The following ABCF3 variants were observed in gnomAD, a reference collection of about 807,000 sequenced individuals.
The protein encoded by ABCF3 is ATP-binding cassette sub-family F member 3.
Under a neutral mutation model 94.3 loss-of-function variants are expected in ABCF3, and 62 were observed. The ratio of observed to expected loss-of-function variants is 0.66; its 90% CI spans 0.54 to 0.81. The LOEUF (loss-of-function observed/expected upper bound fraction) is 0.81. Ranked by LOEUF, ABCF3 falls within the 40% of genes least tolerant of loss-of-function variation. ABCF3 has a pLI of 0.00. For synonymous variants in ABCF3, 355 were observed against 361.1 expected, an observed-to-expected ratio of 0.98 and a Z score of 0.19; for missense variants, 843 against 925.3, an observed-to-expected ratio of 0.91 and a Z score of 1.15.
chr3:184,188,548 T>G, intron 7 of ABCF3, 141 bp downstream of exon 7: 1 of 1,211,842 alleles, frequency 8.3e-7, no homozygotes, highest in South Asian at 1.5e-5. Context: ...TCAGAAGCCC[T>G]TGTTCTTTCC....
Position 184,188,158 on chromosome 3 carries a change from C to T in ABCF3, c.587C>T (p.Ala196Val), listed in dbSNP as rs757952970. Residue 196 changes from alanine (A) to valine (V), a missense_variant, in exon 7 of 21, where the codon GCG (alanine) becomes GTG (valine). Coordinates refer to ENST00000429586, the MANE Select transcript of ABCF3 (RefSeq NM_018358.3). ...SFGDRVLLAG[A>V]DVNLAWGRRY... Reference sequence around the variant, plus strand: ...TCCTGCAGAGTACTGCTGGCTGGAGCGGATGTGAACCTGGCATGGGGCCGC... The same window carrying T: ...TCCTGCAGAGTACTGCTGGCTGGAGTGGATGTGAACCTGGCATGGGGCCGC... 9 of 1,613,844 alleles carry T rather than the reference C, an allele frequency of 5.6e-6. No individual in the cohort carries two copies. Among genetic ancestry groups the T allele is most frequent in the African/African-American group, 2.7e-5 (2 of 75,040 alleles).
Position 184,191,003 on chromosome 3 carries a change from G to C in ABCF3, c.1396G>C (p.Glu466Gln), listed in dbSNP as rs1332010399. 1.9e-6 allele frequency: 3 copies of C among 1,614,132 alleles called. No homozygotes were observed. Among genetic ancestry groups the C allele is most frequent in the Non-Finnish European group, 2.5e-6 (3 of 1,180,028 alleles). ...CTACCTCATCTCTTCTCCCAGGCCT[G>C]AGCTGAAGCCTGTGGACAAGGAATC... ...SKLKMLEKLP[E>Q]LKPVDKESEV... Residue 466 changes from glutamate (E) to glutamine (Q), a missense_variant, in exon 15 of 21, where the codon GAG (glutamate) becomes CAG (glutamine). By Grantham distance (29) the Glu-to-Gln change is conservative. Coordinates refer to ENST00000429586, the MANE Select transcript of ABCF3 (RefSeq NM_018358.3).
intron 16 of ABCF3, among the ~76,000 whole-genome samples, chr3:184,191,749 C>CTCT (rs1716039573): frequency 8.7e-6 from 1 of 114,716 alleles, no homozygotes; most frequent in African/African-American, 3.7e-5. Flanking sequence ...GTTAGAGTTC[C>CTCT]TTTTTTTTTT....
intron 1 of ABCF3, 108 bp downstream of exon 1, chr3:184,186,388 C>T (rs1173744338): frequency 5.0e-6 from 8 of 1,585,410 alleles, no homozygotes; most frequent in Non-Finnish European, 6.9e-6. Flanking sequence ...TCTGCATGAC[C>T]TCTTGTCCCG....
At chr3:184,188,077 GT>G (rs1715757197) in intron 6 of ABCF3, 63 bp from the exon 7 acceptor site, 2 of 1,610,852 alleles carry the variant, frequency 1.2e-6, no homozygotes, top group South Asian at 2.2e-5. Flanking sequence ...TGTTAGGTTT[GT>G]CATTAAACTT....
chr3:184,191,060 T>G lies in ABCF3; in HGVS notation c.1436+17T>G. ...CGTAATGAAGTAAGTGCTGGGCCAG[T>G]GGGGCTGGTGGGGAATTGCTTGCTT... On this transcript the variant is annotated intron_variant, in intron 15 of 20. Transcript: ENST00000429586. The G allele has an allele frequency of 6.2e-7, 1 of 1,614,192 alleles. No individual in the cohort carries two copies. Among genetic ancestry groups the G allele is most frequent in the Non-Finnish European group, 8.5e-7 (1 of 1,180,030 alleles).
Position 184,189,422 on chromosome 3 carries a change from G to A in ABCF3, c.1092G>A (p.Leu364=). ...PTNMLDVRAI[L]WLENYLQTWP... is the part of the protein sequence containing the mutation. ...ACATGCTGGATGTCAGGGCCATCCT[G>A]TGGCTGGAGAATTACCTGCAGGTGA... is the stretch of plus-strand genomic sequence containing the variant. Residue 364 remains leucine, a synonymous_variant, in exon 12 of 21, where the codon CTG becomes CTA. Transcript: ENST00000429586. The A allele has an allele frequency of 6.2e-7, 1 of 1,614,094 alleles. No individual in the cohort carries two copies. The highest frequency in any genetic ancestry group is 8.5e-7 in the Non-Finnish European group (1 of 1,180,024).
At chr3:184,192,947 GA>G (rs575183762) in intron 18 of ABCF3, 51 bp downstream of exon 18, 1 of 1,603,690 alleles carries the variant, frequency 6.2e-7, no homozygotes, top group South Asian at 1.1e-5. Flanking sequence ...GAAGAGGGCT[GA>G]GGCTGACCCC....
chr3:184,188,025 A>G (rs768706872), intron 6 of ABCF3, 42 bp downstream of exon 6: 1 of 1,613,462 alleles, frequency 6.2e-7, no homozygotes. Flanking sequence ...TCTTTTTCTA[A>G]TTAGAGGACA....
At chr3:184,187,634 A>G (rs1436248327) in intron 4 of ABCF3, 30 bp from the exon 5 acceptor site, 1 of 1,612,726 alleles carries the variant, frequency 6.2e-7, no homozygotes, top group South Asian at 1.1e-5. Context: ...CCTACACCCG[A>G]GAGTGAAGTC....
chr3:184,192,285 A>G (rs951952197), intron 16 of ABCF3, among the ~76,000 whole-genome samples: 13 of 152,194 alleles, frequency 8.5e-5, no homozygotes, highest in Admixed American at 2.0e-4. Flanking sequence ...TATGTTGGGA[A>G]CATTCAGAAT....
chr3:184,186,610 G>C lies in ABCF3; in HGVS notation c.177G>C (p.Ala59=), dbSNP rs779457481. 1 of 1,613,508 alleles carries C rather than the reference G, an allele frequency of 6.2e-7. No individual in the cohort carries two copies. Among genetic ancestry groups the C allele is most frequent in the East Asian group, 2.2e-5 (1 of 44,902 alleles). ...TGTCCGGGGACAGCAAGGATGACGC[G>C]GGCATCAGGGCCGTGTGCCAGCGCA... The part of the protein sequence containing the change: ...QEVSGDSKDD[A]GIRAVCQRMY... The change falls in exon 2 of 21, where the codon GCG becomes GCC. Residue 59 remains alanine, a synonymous_variant. Coordinates refer to ENST00000429586, the MANE Select transcript of ABCF3 (RefSeq NM_018358.3).
At position 184,191,664 on chromosome 3, in the gene ABCF3, T is replaced by C. The variant is rs529010283; in HGVS notation, c.1569+409T>C. On this transcript the variant is annotated intron_variant, in intron 16 of 20. Transcript: ENST00000429586. ...CGCTGACATCTACCTCACTTGGTTC[T>C]TGGGAAAAGTAAGTCCCCAGCACTT... Among the ~76,000 whole-genome samples the C allele has an allele frequency of 3.3e-5, 5 of 152,012 alleles. 1 individual carries two copies. The South Asian group carries it at 1.0e-3, about 32-fold the overall frequency.
chr3:184,191,668 GA>G (rs1320715235), intron 16 of ABCF3, among the ~76,000 whole-genome samples: 5 of 151,038 alleles, frequency 3.3e-5, no homozygotes, highest in Non-Finnish European at 7.4e-5. Flanking sequence ...TGGTTCTTGG[GA>G]AAAGTAAGTC....
At chr3:184,187,579 A>G (rs1378728811) in intron 4 of ABCF3, 85 bp from the exon 5 acceptor site, 3 of 1,559,502 alleles carry the variant, frequency 1.9e-6, no homozygotes, top group Non-Finnish European at 2.7e-6. Flanking sequence ...TGGGTAAGTT[A>G]AGAGGGTTTA....
chr3:184,193,462 C>T lies in ABCF3; in HGVS notation c.1971+10C>T. The T allele has an allele frequency of 6.2e-7, 1 of 1,614,138 alleles. No individual in the cohort carries two copies. The highest frequency in any genetic ancestry group is 8.5e-7 in the Non-Finnish European group (1 of 1,180,012). ...CCTCAACAATTTCAGGGTGAGTGTG[C>T]CTTCACCCTGACCACTCCTCCCAGG... On this transcript the variant is annotated intron_variant, in intron 20 of 20. Transcript: ENST00000429586. This position sits in a 1 kb window ranked among gnomAD's most constrained non-coding sequence, Gnocchi z 5.2.
rs1459588847 is a variant in ABCF3 at position 184,187,978 on chromosome 3, C to T, written c.564C>T (p.Gly188=). 1.2e-5 allele frequency: 19 copies of T among 1,613,706 alleles called. No homozygotes were observed. Among genetic ancestry groups the T allele is most frequent in the Middle Eastern group, 3.3e-4 (2 of 6,084 alleles). ...TTGAGAACTTTGATGTGTCTTTTGGCGATAGGTGAGGGAATAGTGGTGGCA... is the reference window on the plus strand; with the variant it reads ...TTGAGAACTTTGATGTGTCTTTTGGTGATAGGTGAGGGAATAGTGGTGGCA... The part of the protein sequence containing the change: ...VRIENFDVSF[G]DRVLLAGADV... Residue 188 remains glycine (G), a synonymous_variant, in exon 6 of 21, where the codon GGC becomes GGT. Coordinates refer to ENST00000429586, the MANE Select transcript of ABCF3 (RefSeq NM_018358.3).
Position 184,189,090 on chromosome 3 carries a change from A to C in ABCF3, c.980A>C (p.Glu327Ala), listed in dbSNP as rs753216234. 3 of 1,614,082 alleles carry C rather than the reference A, an allele frequency of 1.9e-6. No individual in the cohort carries two copies. The highest frequency in any genetic ancestry group is 1.7e-5 in the Admixed American group (1 of 60,020). The change falls in exon 10 of 21, where the codon GAG becomes GCG. Residue 327 changes from glutamate (E) to alanine (A), a missense_variant and splice_region_variant. Physicochemically the swap from Glu to Ala is moderately radical, Grantham distance 107. Coordinates refer to ENST00000429586, the MANE Select transcript of ABCF3 (RefSeq NM_018358.3). ...TPKMQQQPTR[E>A]FSGGWRMRLA... ...AATGTGACTCCATCATTCTTTAGGG[A>C]GTTCTCAGGTGGCTGGAGGATGAGG...
chr3:184,186,730 G>T, intron 2 of ABCF3, 66 bp from the exon 3 acceptor site: 1 of 1,592,818 alleles, frequency 6.3e-7, no homozygotes, highest in Non-Finnish European at 8.6e-7. Flanking sequence ...GGGGGAGGAA[G>T]ATCTGATGGC....
Sources: gnomAD v4.1 joint callset for allele counts (sites outside exome capture counted in the v4.1 genomes callset) on GRCh38, gnomAD v4.1.1 for gene constraint, Gnocchi (gnomAD v3.1) non-coding constraint, MANE v1.5 for transcripts, NCBI Gene and HGNC (gene_info 2026-07-23, HGNC 2026-07-21) for gene names.